PRKAR2B: variants seen among roughly 807,000 people sequenced by gnomAD.
PRKAR2B encodes the protein cAMP-dependent protein kinase type II-beta regulatory subunit.
Under a neutral mutation model 49.9 loss-of-function variants are expected in PRKAR2B, and 14 were observed. The ratio of observed to expected loss-of-function variants is 0.28; its 90% CI spans 0.19 to 0.44. The LOEUF (loss-of-function observed/expected upper bound fraction) is 0.44, where lower values mean the gene tolerates loss of function less well. Ranked by LOEUF, PRKAR2B falls within the 20% of genes least tolerant of loss-of-function variation. The pLI, the probability that PRKAR2B is intolerant of heterozygous loss-of-function variation, is 1.00. For missense variants in PRKAR2B, 393 were observed against 537.9 expected (o/e 0.73, Z 2.67); for synonymous variants, 196 against 197.7 (o/e 0.99, Z 0.07).
intron 3 of PRKAR2B, among the ~76,000 whole-genome samples, chr7:107,126,955 C>G (rs1206699498): frequency 6.6e-6 from 1 of 152,116 alleles, no homozygotes; most frequent in African/African-American, 2.4e-5. Flanking sequence ...CTTTCTCTTA[C>G]TAGCTAGTAG....
intron 2 of PRKAR2B, among the ~76,000 whole-genome samples, chr7:107,087,790 C>T (rs1794649986): frequency 6.6e-6 from 1 of 152,154 alleles, no homozygotes. Flanking sequence ...CTCCAGTTAT[C>T]ACACACTTAG....
At chr7:107,061,827 G>A (rs777886604) in intron 1 of PRKAR2B, among the ~76,000 whole-genome samples, 6 of 152,162 alleles carry the variant, frequency 3.9e-5, no homozygotes, top group Non-Finnish European at 7.3e-5. Context: ...AACCGGGATG[G>A]CGAAGGTTGC....
intron 2 of PRKAR2B, among the ~76,000 whole-genome samples, chr7:107,074,733 G>A (rs1213436773): frequency 6.6e-6 from 1 of 152,056 alleles, no homozygotes; most frequent in African/African-American, 2.4e-5. Flanking sequence ...GGGAGACGGA[G>A]GTTGCAGTGA....
At chr7:107,116,070 T>TA (rs1352023172) in intron 2 of PRKAR2B, among the ~76,000 whole-genome samples, 21 of 152,230 alleles carry the variant, frequency 1.4e-4, no homozygotes, top group Admixed American at 3.3e-4. Flanking sequence ...AACTGTTGTG[T>TA]AAGCCAGTCT....
chr7:107,103,283 T>TA (rs2116815925), intron 2 of PRKAR2B, among the ~76,000 whole-genome samples: 1 of 152,312 alleles, frequency 6.6e-6, no homozygotes, highest in South Asian at 2.1e-4. Context: ...TTATTTCTAA[T>TA]AAAAATTAAA....
chr7:107,103,513 A>G (rs1031750547), intron 2 of PRKAR2B, among the ~76,000 whole-genome samples: 8 of 152,208 alleles, frequency 5.3e-5, no homozygotes, highest in African/African-American at 1.9e-4. Context: ...GGTGACGGAC[A>G]TGCAGGAAGT....
chr7:107,100,780 A>AG (rs1443079263), intron 2 of PRKAR2B, among the ~76,000 whole-genome samples: 1 of 147,646 alleles, frequency 6.8e-6, no homozygotes, highest in Non-Finnish European at 1.5e-5. Context: ...CCACCTAATG[A>AG]GTTTTTCATC....
rs529530245 is a variant in PRKAR2B at position 107,071,340 on chromosome 7, A to G, written c.343+1024A>G. Among the ~76,000 whole-genome samples the G allele has an allele frequency of 2.4e-4, 36 of 152,326 alleles. No homozygotes were observed. The South Asian group carries it at 7.3e-3, about 31-fold the overall frequency. On this transcript the variant is annotated intron_variant, in intron 2 of 10. Transcript: ENST00000265717. ...TTTTGATTTGTCAGCAGTTACTGGTATAATTTACTCTTGTTATGTAGTGAC... is the reference window on the plus strand; with the variant it reads ...TTTTGATTTGTCAGCAGTTACTGGTGTAATTTACTCTTGTTATGTAGTGAC...
At chr7:107,155,114 A>G (rs1395822636) in intron 8 of PRKAR2B, among the ~76,000 whole-genome samples, 1 of 152,222 alleles carries the variant, frequency 6.6e-6, no homozygotes, top group Non-Finnish European at 1.5e-5. Context: ...GTTTCTGCCA[A>G]CTAAGGGGAC....
At chr7:107,053,692 CT>C (rs1562840785) in intron 1 of PRKAR2B, among the ~76,000 whole-genome samples, 3 of 152,042 alleles carry the variant, frequency 2.0e-5, no homozygotes, top group Non-Finnish European at 4.4e-5. Flanking sequence ...AAAATCCAGG[CT>C]TTTTCTTTTA....
Position 107,136,792 on chromosome 7 carries a change from G to C in PRKAR2B, c.481-4055G>C, listed in dbSNP as rs377733187. 1.1e-4 allele frequency among the ~76,000 whole-genome samples: 17 copies of C among 152,316 alleles called. No homozygotes were observed. The East Asian group carries it at 3.3e-3, about 29-fold the overall frequency. Reference sequence around the variant, plus strand: ...AAACATACTCTTACCATCCTCTCCAGTAGTCATGCTCCTTGGTATTTACCC... The same window carrying C: ...AAACATACTCTTACCATCCTCTCCACTAGTCATGCTCCTTGGTATTTACCC... On this transcript the variant is annotated intron_variant, in intron 4 of 10. Coordinates refer to ENST00000265717, the MANE Select transcript of PRKAR2B (RefSeq NM_002736.3).
At position 107,156,947 on chromosome 7, in the gene PRKAR2B, C is replaced by CA. The variant is rs771056139; in HGVS notation, c.919-36dup. On this transcript the variant is annotated intron_variant, in intron 8 of 10. Coordinates refer to ENST00000265717, the MANE Select transcript of PRKAR2B (RefSeq NM_002736.3). The stretch of plus-strand genomic sequence containing the variant: ...AACAAGATTGTTGTCAATTAATTTG[C>CA]ATTTTCACCGTCTGTTTTTGTTATT... The CA allele has an allele frequency of 6.5e-6, 10 of 1,541,364 alleles. No individual in the cohort carries two copies. In the South Asian group the frequency reaches 1.1e-4, roughly 17 times the overall value.
chr7:107,135,186 A>G (rs1349442867), intron 4 of PRKAR2B, among the ~76,000 whole-genome samples: 2 of 152,196 alleles, frequency 1.3e-5, no homozygotes, highest in African/African-American at 4.8e-5. Flanking sequence ...ATGACTGGCA[A>G]TCAAAAAATT....
At chr7:107,106,735 G>A (rs1795081007) in intron 2 of PRKAR2B, among the ~76,000 whole-genome samples, 1 of 152,034 alleles carries the variant, frequency 6.6e-6, no homozygotes, top group Non-Finnish European at 1.5e-5. Flanking sequence ...AGGGGTGTTT[G>A]GTGACTTTGG....
chr7:107,074,319 G>A (rs1192395545), intron 2 of PRKAR2B, among the ~76,000 whole-genome samples: 2 of 151,794 alleles, frequency 1.3e-5, no homozygotes, highest in African/African-American at 4.8e-5. Flanking sequence ...GGCCAGGCTG[G>A]TCTCCAACTC....
chr7:107,105,785 G>C (rs1795060243), intron 2 of PRKAR2B, among the ~76,000 whole-genome samples: 1 of 152,114 alleles, frequency 6.6e-6, no homozygotes, highest in African/African-American at 2.4e-5. Flanking sequence ...AGCAAGTCAG[G>C]GGCTCTTGTC....
chr7:107,147,173 C>A (rs1376879652), intron 6 of PRKAR2B, among the ~76,000 whole-genome samples: 1 of 152,022 alleles, frequency 6.6e-6, no homozygotes, highest in Non-Finnish European at 1.5e-5. Context: ...TAGCCGGGCA[C>A]GGTCGTGGGT....
chr7:107,129,487 G>T (rs1175219101), intron 4 of PRKAR2B, among the ~76,000 whole-genome samples: 10 of 152,166 alleles, frequency 6.6e-5, no homozygotes, highest in African/African-American at 7.2e-5. Context: ...TCACGGCCCT[G>T]TACGCGCACT....
chr7:107,131,508 T>C (rs776047492), intron 4 of PRKAR2B, among the ~76,000 whole-genome samples: 2 of 152,228 alleles, frequency 1.3e-5, no homozygotes. Flanking sequence ...AAGGTCAATA[T>C]GTATTTTAAA....
Sources: gnomAD v4.1 joint callset for allele counts (sites outside exome capture counted in the v4.1 genomes callset) on GRCh38, gnomAD v4.1.1 for gene constraint, MANE v1.5 for transcripts, NCBI Gene and HGNC (gene_info 2026-07-23, HGNC 2026-07-21) for gene names.